IMMP2L: variants seen among roughly 807,000 people sequenced by gnomAD.
IMMP2L encodes the protein inner mitochondrial membrane peptidase subunit 2.
Under a neutral mutation model 19.3 loss-of-function variants are expected in IMMP2L, and 18 were observed. The ratio of observed to expected loss-of-function variants is 0.93; its 90% CI spans 0.64 to 1.38. The LOEUF is 1.38. Among genes scored for constraint, IMMP2L ranks in the 40% most tolerant of loss-of-function variants. IMMP2L has a pLI of 0.00. For synonymous variants in IMMP2L, 76 were observed against 73.0 expected, an observed-to-expected ratio of 1.04 and a Z score of -0.21; for missense variants, 233 against 218.2, an observed-to-expected ratio of 1.07 and a Z score of -0.43.
chr7:111,066,676 C>T (rs185142426), intron 3 of IMMP2L, among the ~76,000 whole-genome samples: 2 of 152,312 alleles, frequency 1.3e-5, no homozygotes, highest in African/African-American at 4.8e-5. Flanking sequence ...CAGAATTTAA[C>T]CTTCCCCCAG....
At chr7:111,387,846 C>T (rs1359402894) in intron 3 of IMMP2L, among the ~76,000 whole-genome samples, 2 of 151,216 alleles carry the variant, frequency 1.3e-5, no homozygotes, top group Admixed American at 1.3e-4. Flanking sequence ...CATGGTGGCG[C>T]GTGCCTGCAG....
chr7:111,373,302 C>A (rs919655855), intron 3 of IMMP2L, among the ~76,000 whole-genome samples: 1 of 151,990 alleles, frequency 6.6e-6, no homozygotes, highest in African/African-American at 2.4e-5. Flanking sequence ...AGTGTGGCAT[C>A]TGAGGAATAA....
rs140582261 is a variant in IMMP2L at position 110,841,566 on chromosome 7, A to G, written c.408+45027T>C. Among the ~76,000 whole-genome samples the G allele has an allele frequency of 8.1e-3, 1,229 of 152,246 alleles. 16 individuals are homozygous for G. The highest frequency in any genetic ancestry group is 0.025 in the African/African-American group (1,053 of 41,556). On this transcript the variant is annotated intron_variant, in intron 5 of 5. Transcript: ENST00000405709. The stretch of plus-strand genomic sequence containing the variant: ...ATGAATATGTTCATGCTTGCTTCAC[A>G]GCTTCCTCACTTTCTTTTATCATAA...
intron 3 of IMMP2L, among the ~76,000 whole-genome samples, chr7:111,141,783 C>A (rs548854810): frequency 1.3e-5 from 2 of 152,258 alleles, no homozygotes; most frequent in African/African-American, 4.8e-5. Flanking sequence ...CCAGGCTGGT[C>A]TCAAAATGCT....
intron 2 of IMMP2L, among the ~76,000 whole-genome samples, chr7:111,500,979 C>T (rs1055503761): frequency 6.6e-5 from 10 of 152,300 alleles, no homozygotes; most frequent in African/African-American, 2.4e-4. Context: ...CGGAGAATGA[C>T]TTTGACGAGT....
chr7:111,479,925 G>A (rs962717010), intron 3 of IMMP2L, among the ~76,000 whole-genome samples: 24 of 151,570 alleles, frequency 1.6e-4, no homozygotes, highest in African/African-American at 7.3e-5. Flanking sequence ...ACAAAATCTC[G>A]GTAATTCAAA....
At chr7:111,384,002 G>C (rs1421742487) in intron 3 of IMMP2L, among the ~76,000 whole-genome samples, 4 of 152,060 alleles carry the variant, frequency 2.6e-5, no homozygotes, top group Non-Finnish European at 5.9e-5. Flanking sequence ...CTCCCAGCCA[G>C]GTGAGGTGGC....
chr7:110,732,634 C>A (rs917127253), intron 5 of IMMP2L, among the ~76,000 whole-genome samples: 2 of 152,084 alleles, frequency 1.3e-5, no homozygotes, highest in African/African-American at 4.8e-5. Flanking sequence ...ACTCCCTAAG[C>A]AAAATAACTG....
chr7:111,121,714 G>C (rs1412280641), intron 3 of IMMP2L, among the ~76,000 whole-genome samples: 3 of 152,146 alleles, frequency 2.0e-5, no homozygotes, highest in Non-Finnish European at 4.4e-5. Flanking sequence ...ATTTGACCCA[G>C]CCAACCCATT....
At chr7:111,472,346 T>C (rs1841345344) in intron 3 of IMMP2L, among the ~76,000 whole-genome samples, 1 of 152,174 alleles carries the variant, frequency 6.6e-6, no homozygotes, top group African/African-American at 2.4e-5. Flanking sequence ...TGCCATTTGA[T>C]AGTGGTAACT....
intron 3 of IMMP2L, among the ~76,000 whole-genome samples, chr7:111,039,376 T>C (rs1226451536): frequency 6.6e-6 from 1 of 152,292 alleles, no homozygotes; most frequent in East Asian, 1.9e-4. Context: ...AAACAGAATA[T>C]ATGTTTCTAA....
intron 3 of IMMP2L, among the ~76,000 whole-genome samples, chr7:111,346,970 G>A (rs1366918464): frequency 6.6e-6 from 1 of 152,040 alleles, no homozygotes; most frequent in Non-Finnish European, 1.5e-5. Flanking sequence ...GATAATAGAT[G>A]GCAGAGGGTT....
chr7:111,242,899 A>C (rs1047567958), intron 3 of IMMP2L, among the ~76,000 whole-genome samples: 3 of 152,086 alleles, frequency 2.0e-5, no homozygotes, highest in Admixed American at 6.6e-5. Flanking sequence ...ATTTAGAAAC[A>C]ATTATTGTCC....
rs532762075 is a variant in IMMP2L, at chr7:111,432,629, G to A, written c.239+54609C>T. Reference sequence around the variant, plus strand: ...ACATTTTACTTAATATGGAAAAGTTGAAAGCATTTCCTCTGAGAACTGGAA... The same window carrying A: ...ACATTTTACTTAATATGGAAAAGTTAAAAGCATTTCCTCTGAGAACTGGAA... On this transcript the variant is annotated intron_variant, in intron 3 of 5. Transcript: ENST00000405709. Among the ~76,000 whole-genome samples, 72 of 151,732 alleles carry A rather than the reference G, an allele frequency of 4.7e-4. 2 individuals carry two copies. Among genetic ancestry groups the A allele is most frequent in the African/African-American group, 1.7e-3 (71 of 41,166 alleles).
At chr7:111,086,734 A>G (rs926501283) in intron 3 of IMMP2L, among the ~76,000 whole-genome samples, 1 of 152,184 alleles carries the variant, frequency 6.6e-6, no homozygotes, top group Non-Finnish European at 1.5e-5. Flanking sequence ...TGACTCATTC[A>G]TATGTATTTA....
chr7:111,150,846 T>G (rs1803992046), intron 3 of IMMP2L, among the ~76,000 whole-genome samples: 1 of 152,210 alleles, frequency 6.6e-6, no homozygotes, highest in Non-Finnish European at 1.5e-5. Context: ...GCAGATTACT[T>G]CAGGTTACCT....
intron 4 of IMMP2L, among the ~76,000 whole-genome samples, chr7:110,906,713 A>T (rs1338741279): frequency 6.6e-6 from 1 of 152,128 alleles, no homozygotes; most frequent in South Asian, 2.1e-4. Context: ...TAATAGTGAA[A>T]AAAAAACCAT....
At chr7:110,995,995 A>G (rs965184743) in intron 3 of IMMP2L, among the ~76,000 whole-genome samples, 1 of 152,154 alleles carries the variant, frequency 6.6e-6, no homozygotes, top group African/African-American at 2.4e-5. Flanking sequence ...AATGCATGAG[A>G]CTTAGTGCCA....
At chr7:111,481,444 T>C (rs936166319) in intron 3 of IMMP2L, among the ~76,000 whole-genome samples, 3 of 152,202 alleles carry the variant, frequency 2.0e-5, no homozygotes, top group Non-Finnish European at 4.4e-5. Flanking sequence ...ATTTAGCCTC[T>C]CTATGCTTTA....
Sources: gnomAD v4.1 joint callset for allele counts (sites outside exome capture counted in the v4.1 genomes callset) on GRCh38, gnomAD v4.1.1 for gene constraint, MANE v1.5 for transcripts, NCBI Gene and HGNC (gene_info 2026-07-23, HGNC 2026-07-21) for gene names.